Variants in OSBPL10 observed in about 807,000 individuals in gnomAD.
OSBPL10 encodes oxysterol-binding protein-related protein 10.
OSBPL10 carries 49 observed loss-of-function variants against 81.7 expected under a neutral mutation model. That is an observed-to-expected ratio of 0.60 (90% CI 0.48 to 0.76). The LOEUF is 0.76. Among genes scored for constraint, OSBPL10 ranks in the 30% least tolerant of loss-of-function variants. The probability of loss-of-function intolerance (pLI) is 0.00; values close to 1 mark genes in which losing one functional copy is unlikely to be tolerated. For synonymous variants in OSBPL10, 419 were observed against 383.6 expected (o/e 1.09, Z -1.08); for missense variants, 923 against 987.8 (o/e 0.93, Z 0.88).
chr3:32,033,424 A>G lies in OSBPL10; in HGVS notation n.298+13067T>C, dbSNP rs184444398. ...GCTGGCACCTAGAAGGCACTCAAAAAATACTTGTTGAAGGAGTACATGGAA... is the reference window on the plus strand; with the variant it reads ...GCTGGCACCTAGAAGGCACTCAAAAGATACTTGTTGAAGGAGTACATGGAA... On this transcript the variant is annotated intron_variant and non_coding_transcript_variant, in intron 2 of 3. Transcript: ENST00000479173. 2.6e-4 allele frequency among the ~76,000 whole-genome samples: 40 copies of G among 152,342 alleles called. 2 individuals are homozygous for G. Among genetic ancestry groups the G allele is most frequent in the Admixed American group, 1.8e-3 (28 of 15,304 alleles).
rs769053749 is a variant in OSBPL10, at chr3:31,820,820, G to T, written c.729+9220C>A. Among the ~76,000 whole-genome samples the T allele has an allele frequency of 2.0e-5, 3 of 151,992 alleles. No individual in the cohort carries two copies. In the South Asian group the frequency reaches 6.2e-4, roughly 32 times the overall value. On this transcript the variant is annotated intron_variant, in intron 4 of 11. Coordinates refer to ENST00000396556, the MANE Select transcript of OSBPL10 (RefSeq NM_017784.5). ...GGTGAGAAACTCCTTCCTCTCAAAG[G>T]CTTTTTAAACCTAATCTATAGAGAA...
At chr3:31,743,991 T>C (rs1004652190) in intron 5 of OSBPL10, among the ~76,000 whole-genome samples, 4 of 152,196 alleles carry the variant, frequency 2.6e-5, no homozygotes, top group Non-Finnish European at 5.9e-5. Context: ...TCCCACCAGC[T>C]TGAGATTCTG....
At chr3:32,007,711 T>C (rs1699217515) in intron 2 of OSBPL10, among the ~76,000 whole-genome samples, 1 of 152,154 alleles carries the variant, frequency 6.6e-6, no homozygotes, top group Admixed American at 6.5e-5. Context: ...TCAAAATTCT[T>C]TCTTTTTTTT....
chr3:31,832,790 A>G (rs941885147), intron 3 of OSBPL10, among the ~76,000 whole-genome samples: 1 of 152,170 alleles, frequency 6.6e-6, no homozygotes, highest in African/African-American at 2.4e-5. Flanking sequence ...GAAGCTAGAC[A>G]GGCAAGGCAG....
At chr3:31,990,212 C>T in intron 2 of OSBPL10, 5 of 1,613,920 alleles carry the variant, frequency 3.1e-6, no homozygotes, top group Non-Finnish European at 4.2e-6. Flanking sequence ...TGTGGCAAAG[C>T]CTTTAGTGGG....
intron 1 of OSBPL10, among the ~76,000 whole-genome samples, chr3:31,928,679 C>T (rs1319306019): frequency 6.8e-6 from 1 of 147,988 alleles, no homozygotes; most frequent in African/African-American, 2.5e-5. Context: ...ACTCAGGAGG[C>T]TGAGACAGGA....
chr3:32,027,039 TATTATTATACTTTA>T (rs1371488798), intron 2 of OSBPL10, among the ~76,000 whole-genome samples: 1 of 152,284 alleles, frequency 6.6e-6, no homozygotes, highest in East Asian at 1.9e-4. Flanking sequence ...TTCTTTTTTT[TATTATTATACTTTA>T]AGTTCTGGGA....
chr3:31,816,650 T>C (rs1575563550), intron 4 of OSBPL10, among the ~76,000 whole-genome samples: 1 of 152,302 alleles, frequency 6.6e-6, no homozygotes, highest in Non-Finnish European at 1.5e-5. Flanking sequence ...GAAACATCTG[T>C]GGCTGCAGCA....
chr3:31,736,801 GA>G (rs1697188520), intron 5 of OSBPL10, among the ~76,000 whole-genome samples: 1 of 152,212 alleles, frequency 6.6e-6, no homozygotes. Context: ...TTGGAAGGCT[GA>G]GATGGGAAGA....
At chr3:31,725,320 T>C (rs1696774656) in intron 6 of OSBPL10, among the ~76,000 whole-genome samples, 1 of 152,184 alleles carries the variant, frequency 6.6e-6, no homozygotes. Flanking sequence ...CTTTCTGATT[T>C]TTAGTGAGTC....
At chr3:31,958,117 G>A (rs1698061845) in intron 1 of OSBPL10, among the ~76,000 whole-genome samples, 3 of 152,086 alleles carry the variant, frequency 2.0e-5, no homozygotes, top group African/African-American at 7.2e-5. Flanking sequence ...GTAACTCTCG[G>A]GCCACCAGAA....
intron 3 of OSBPL10, among the ~76,000 whole-genome samples, chr3:31,856,969 G>A (rs1700928060): frequency 6.6e-6 from 1 of 152,140 alleles, no homozygotes; most frequent in Admixed American, 6.5e-5. Context: ...CCAGCTACGT[G>A]GGTGAATCGC....
At chr3:31,796,813 T>C (rs1237360330) in intron 4 of OSBPL10, among the ~76,000 whole-genome samples, 2 of 152,060 alleles carry the variant, frequency 1.3e-5, no homozygotes, top group African/African-American at 4.8e-5. Flanking sequence ...GCTTTTACCT[T>C]AGGCTTCCCC....
intron 4 of OSBPL10, among the ~76,000 whole-genome samples, chr3:31,827,784 T>C (rs942462418): frequency 6.6e-6 from 1 of 152,230 alleles, no homozygotes; most frequent in Non-Finnish European, 1.5e-5. Context: ...GTAATTTTAA[T>C]TTTCTTTATA....
chr3:31,780,175 C>A (rs1698653253), intron 4 of OSBPL10, among the ~76,000 whole-genome samples: 1 of 152,084 alleles, frequency 6.6e-6, no homozygotes, highest in African/African-American at 2.4e-5. Flanking sequence ...CGCCTGTAGT[C>A]CCAGCTACTC....
chr3:31,904,461 C>T (rs1696345381), intron 1 of OSBPL10, among the ~76,000 whole-genome samples: 1 of 152,194 alleles, frequency 6.6e-6, no homozygotes, highest in Non-Finnish European at 1.5e-5. Context: ...CACTTGTGGG[C>T]TAGCTCTACC....
rs556633143 is a variant in OSBPL10 at position 31,666,818 on chromosome 3, T to C, written c.2096+1824A>G. 6.6e-5 allele frequency among the ~76,000 whole-genome samples: 10 copies of C among 152,340 alleles called. No homozygotes were observed. The South Asian group carries it at 1.9e-3, about 28-fold the overall frequency. On this transcript the variant is annotated intron_variant, in intron 10 of 11. Coordinates refer to ENST00000396556, the MANE Select transcript of OSBPL10 (RefSeq NM_017784.5). ...TAACAATATACCATAATAAAAGTTA[T>C]GTGAATGTATTCTCTCTCTGAAAAT...
intron 1 of OSBPL10, among the ~76,000 whole-genome samples, chr3:31,971,745 G>A (rs1317206403): frequency 7.8e-6 from 1 of 128,808 alleles, no homozygotes; most frequent in Non-Finnish European, 1.6e-5. Context: ...GGCTATATCA[G>A]CCCACCGCCA....
chr3:31,973,129 T>C (rs542354546), intron 1 of OSBPL10, among the ~76,000 whole-genome samples: 2 of 152,318 alleles, frequency 1.3e-5, no homozygotes, highest in East Asian at 3.9e-4. Context: ...CCTCCCACGT[T>C]TCCGGCACAA....
Sources: allele counts gnomAD v4.1 joint callset (sites outside exome capture counted in the v4.1 genomes callset), GRCh38; gene constraint gnomAD v4.1.1; transcripts MANE v1.5; gene names NCBI Gene and HGNC (gene_info 2026-07-23, HGNC 2026-07-21).